Variants in SMYD3 observed in about 807,000 individuals in gnomAD.
The protein encoded by SMYD3 is histone-lysine N-methyltransferase SMYD3.
SMYD3 carries 36 observed loss-of-function variants against 57.7 expected under a neutral mutation model. That is an observed-to-expected ratio of 0.62 (90% CI 0.48 to 0.82). SMYD3 has a LOEUF of 0.82. Ranked by LOEUF, SMYD3 falls within the 40% of genes least tolerant of loss-of-function variation. The pLI is 0.00. For synonymous variants in SMYD3, 211 were observed against 195.0 expected, an observed-to-expected ratio of 1.08 and a Z score of -0.68; for missense variants, 515 against 538.8, an observed-to-expected ratio of 0.96 and a Z score of 0.44.
At chr1:246,150,436 T>C (rs1174209668) in intron 5 of SMYD3, among the ~76,000 whole-genome samples, 1 of 152,222 alleles carries the variant, frequency 6.6e-6, no homozygotes, top group Non-Finnish European at 1.5e-5. Context: ...TTGTATTTTC[T>C]ACCACAGCTC....
At chr1:245,822,375 C>T (rs1040290412) in intron 10 of SMYD3, among the ~76,000 whole-genome samples, 8 of 132,206 alleles carry the variant, frequency 6.1e-5, no homozygotes, top group Admixed American at 4.4e-4. Flanking sequence ...GGAAGGGGAA[C>T]ATCACACTCT....
At chr1:246,261,864 T>C (rs1021882290) in intron 5 of SMYD3, among the ~76,000 whole-genome samples, 4 of 152,226 alleles carry the variant, frequency 2.6e-5, no homozygotes, top group African/African-American at 9.6e-5. Flanking sequence ...CCTTTTCTTG[T>C]CACTCAGCTT....
chr1:246,466,273 G>A (rs989949141), intron 1 of SMYD3, among the ~76,000 whole-genome samples: 8 of 152,156 alleles, frequency 5.3e-5, no homozygotes, highest in African/African-American at 1.7e-4. Flanking sequence ...AATAGCAAAA[G>A]CTGAAATGCC....
chr1:245,969,946 G>C (rs2058253381), intron 5 of SMYD3, among the ~76,000 whole-genome samples: 1 of 151,952 alleles, frequency 6.6e-6, no homozygotes, highest in Non-Finnish European at 1.5e-5. Context: ...TTTCTTCAGA[G>C]AAATAGAAAG....
At chr1:246,142,710 TG>T (rs1207572764) in intron 5 of SMYD3, among the ~76,000 whole-genome samples, 1 of 152,222 alleles carries the variant, frequency 6.6e-6, no homozygotes, top group Non-Finnish European at 1.5e-5. Flanking sequence ...ATTTTTAGAC[TG>T]TAGTTGACCA....
chr1:245,947,804 A>ACT (rs35156063), intron 5 of SMYD3, among the ~76,000 whole-genome samples: 95,118 of 151,872 alleles, frequency 0.63, 35,038 homozygotes, highest in Non-Finnish European at 0.82. Flanking sequence ...TACCAATTAA[A>ACT]CTGTCAGCCT....
At position 246,304,388 on chromosome 1, in the gene SMYD3, T is replaced by G. The variant is rs1328608793; in HGVS notation, c.531+22813A>C. Among the ~76,000 whole-genome samples the G allele has an allele frequency of 2.0e-5, 3 of 152,202 alleles. No individual in the cohort carries two copies. The South Asian group carries it at 6.2e-4, about 32-fold the overall frequency. On this transcript the variant is annotated intron_variant, in intron 5 of 11. Coordinates refer to ENST00000490107, the MANE Select transcript of SMYD3 (RefSeq NM_001167740.2). ...GTTTAAAAAACTAGTTCAAAGCACA[T>G]TGTAAAAATAATAAACATGAAAGAC...
At chr1:246,291,206 T>G (rs745683475) in intron 5 of SMYD3, among the ~76,000 whole-genome samples, 3 of 152,018 alleles carry the variant, frequency 2.0e-5, no homozygotes, top group Non-Finnish European at 2.9e-5. Context: ...AACGTTCCCC[T>G]CTGGTTTCTT....
intron 10 of SMYD3, among the ~76,000 whole-genome samples, chr1:245,805,134 G>T (rs986349253): frequency 6.8e-6 from 1 of 146,674 alleles, no homozygotes; most frequent in Non-Finnish European, 1.5e-5. Flanking sequence ...AAAGAAAATA[G>T]AATTTCCTGG....
chr1:245,775,624 C>A (rs2817489), intron 10 of SMYD3, among the ~76,000 whole-genome samples: 24,296 of 150,378 alleles, frequency 0.16, 3,075 homozygotes, highest in African/African-American at 0.34. Flanking sequence ...CTTTGTTCAC[C>A]TGTTTATCTG....
chr1:246,227,539 T>C (rs2063347289), intron 5 of SMYD3, among the ~76,000 whole-genome samples: 1 of 151,788 alleles, frequency 6.6e-6, no homozygotes, highest in Admixed American at 6.6e-5. Context: ...CACTTGAACG[T>C]GGGAGGCGGA....
chr1:246,444,269 G>A (rs917388934), intron 1 of SMYD3, among the ~76,000 whole-genome samples: 2 of 152,062 alleles, frequency 1.3e-5, no homozygotes, highest in African/African-American at 4.8e-5. Context: ...GGGATTACAG[G>A]CATGTGCCAC....
chr1:246,416,174 C>A (rs1472100995), intron 1 of SMYD3, among the ~76,000 whole-genome samples: 2 of 152,242 alleles, frequency 1.3e-5, no homozygotes. Flanking sequence ...TTAAACTATG[C>A]TACTGGTAAT....
intron 1 of SMYD3, among the ~76,000 whole-genome samples, chr1:246,359,027 G>T (rs998965077): frequency 6.6e-6 from 1 of 152,006 alleles, no homozygotes; most frequent in Non-Finnish European, 1.5e-5. Context: ...TGAAACAAAA[G>T]GCTGGTTTTG....
At chr1:246,045,990 G>A (rs2059956883) in intron 5 of SMYD3, among the ~76,000 whole-genome samples, 1 of 152,196 alleles carries the variant, frequency 6.6e-6, no homozygotes, top group African/African-American at 2.4e-5. Flanking sequence ...TGCTGGAGAG[G>A]ATGTGGAGAA....
Position 245,761,595 on chromosome 1 carries a change from A to G in SMYD3, c.1185+2446T>C, listed in dbSNP as rs185869830. Among the ~76,000 whole-genome samples the G allele has an allele frequency of 2.8e-3, 421 of 151,952 alleles. 1 individual carries two copies. Among genetic ancestry groups the G allele is most frequent in the Admixed American group, 8.0e-3 (122 of 15,264 alleles). On this transcript the variant is annotated intron_variant, in intron 11 of 11. Transcript: ENST00000490107. The stretch of plus-strand genomic sequence containing the variant: ...AAATCTTCTCTGATTTCTCTCCCAT[A>G]TTTTTCCCTGAGTTGGCATCATGGG...
intron 10 of SMYD3, among the ~76,000 whole-genome samples, chr1:245,850,974 C>T (rs1260040899): frequency 8.3e-6 from 1 of 120,660 alleles, no homozygotes; most frequent in African/African-American, 3.8e-5. Flanking sequence ...AGGGGTTTAG[C>T]CATAGGGAGG....
At chr1:246,139,241 T>C (rs1007095187) in intron 5 of SMYD3, among the ~76,000 whole-genome samples, 13 of 152,314 alleles carry the variant, frequency 8.5e-5, no homozygotes, top group Admixed American at 4.6e-4. Context: ...AGGGTCTTTC[T>C]CAATGGACCA....
chr1:246,080,300 C>A (rs2060617784), intron 5 of SMYD3, among the ~76,000 whole-genome samples: 1 of 151,914 alleles, frequency 6.6e-6, no homozygotes, highest in South Asian at 2.1e-4. Flanking sequence ...GGAGGGTGAG[C>A]AGGCATGACC....
Sources: gnomAD v4.1 joint callset for allele counts (sites outside exome capture counted in the v4.1 genomes callset) on GRCh38, gnomAD v4.1.1 for gene constraint, MANE v1.5 for transcripts, NCBI Gene and HGNC (gene_info 2026-07-23, HGNC 2026-07-21) for gene names.